The following MB variants were observed in gnomAD, a reference collection of about 807,000 sequenced individuals.
The protein encoded by MB is myoglobin, also known as nitrite reductase MB.
Under a neutral mutation model 14.5 loss-of-function variants are expected in MB, and 10 were observed. The ratio of observed to expected loss-of-function variants is 0.69; its 90% confidence interval spans 0.43 to 1.17. The LOEUF (loss-of-function observed/expected upper bound fraction) is 1.17, where lower values mean the gene tolerates loss of function less well. MB is among the 50% of genes most tolerant of loss of function. MB has a pLI of 0.00. For missense variants in MB, 169 were observed against 192.7 expected, an observed-to-expected ratio of 0.88 and a Z score of 0.73; for synonymous variants, 89 against 78.6, an observed-to-expected ratio of 1.13 and a Z score of -0.70.
chr22:35,616,426 T>A (rs553728167), intron 1 of MB, among the ~76,000 whole-genome samples: 1 of 152,182 alleles, frequency 6.6e-6, no homozygotes, highest in South Asian at 2.1e-4. Context: ...AGAGACATAC[T>A]CAACATCGAA....
rs1379192808 is a variant in MB at position 35,608,792 on chromosome 22, C to T, written c.319-1349G>A. On this transcript the variant is annotated intron_variant, in intron 2 of 2. Coordinates refer to ENST00000397326, the MANE Select transcript of MB (RefSeq NM_005368.3). The surrounding 1 kb of genome is among the most constrained non-coding windows in gnomAD (Gnocchi z 4.3). ...GACTTTCTGGAGTCCATGGCAGAGC[C>T]ACTCATATCTAGAAAACAGTGGAAC... 6.6e-6 allele frequency among the ~76,000 whole-genome samples: 1 copy of T among 152,196 alleles called. No homozygotes were observed. The highest frequency in any genetic ancestry group is 1.5e-5 in the Non-Finnish European group (1 of 68,038).
intron 1 of MB, among the ~76,000 whole-genome samples, chr22:35,616,836 T>C (rs1923111756): frequency 6.6e-6 from 1 of 152,200 alleles, no homozygotes; most frequent in Admixed American, 6.5e-5. Flanking sequence ...CCTCATCCTG[T>C]AAGAGAGGTG....
rs1231963984 is a variant in MB at position 35,608,475 on chromosome 22, A to T, written c.319-1032T>A. Among the ~76,000 whole-genome samples, 3 of 152,168 alleles carry T rather than the reference A, an allele frequency of 2.0e-5. No individual in the cohort carries two copies. The highest frequency in any genetic ancestry group is 1.5e-5 in the Non-Finnish European group (1 of 68,034). On this transcript the variant is annotated intron_variant, in intron 2 of 2. Transcript: ENST00000397326. The surrounding 1 kb of genome is among the most constrained non-coding windows in gnomAD (Gnocchi z 4.3). ...AGGGTGCAAGTGACATAAAGCAGGG[A>T]TAGTCGCGGGTGGGACATGCAAAGG...
chr22:35,621,849 G>A (rs550340263), upstream of MB: 1 of 152,276 alleles, frequency 6.6e-6, no homozygotes, highest in South Asian at 2.1e-4. Flanking sequence ...AGGCAAGTCG[G>A]GGGCCTCAGT....
At chr22:35,616,688 C>A (rs984899563) in intron 1 of MB, among the ~76,000 whole-genome samples, 8 of 152,182 alleles carry the variant, frequency 5.3e-5, no homozygotes, top group African/African-American at 1.7e-4. Flanking sequence ...CCAAAGGTCA[C>A]CCAGTGGCTC....
intron 1 of MB, among the ~76,000 whole-genome samples, chr22:35,614,344 T>C (rs1484342872): frequency 6.6e-6 from 1 of 152,100 alleles, no homozygotes; most frequent in Non-Finnish European, 1.5e-5. Flanking sequence ...TCCCAGCACT[T>C]TGGGAGGCCA....
At chr22:35,621,060 A>G (rs555301657), upstream of MB, among the ~76,000 whole-genome samples, 4 of 152,306 alleles carry the variant, frequency 2.6e-5, no homozygotes, top group Admixed American at 1.3e-4. Flanking sequence ...CACAGTTGCT[A>G]TGGCTACCTG....
At chr22:35,617,558 G>C (rs1297574241), upstream of MB, 3 of 351,404 alleles carry the variant, frequency 8.5e-6, no homozygotes, top group African/African-American at 6.4e-5. Flanking sequence ...GGTTGTGCGT[G>C]TGGAAAGAAG....
At chr22:35,617,817 C>T (rs376610128), upstream of MB, among the ~76,000 whole-genome samples, 47 of 152,286 alleles carry the variant, frequency 3.1e-4, no homozygotes, top group African/African-American at 1.1e-3. Context: ...AGAAAGGAAC[C>T]GGATGGTTTT....
In MB at chr22:35,607,187, A is replaced by G; in HGVS notation, c.*110T>C. On this transcript the variant is annotated 3_prime_UTR_variant, in exon 3 of 3. Transcript: ENST00000397326. ...CCCTCAGCTCCTCCTGCCCACCTCT[A>G]CTAAACAAAGCAGACACTCAGAAGC... 1 of 1,317,274 alleles carries G rather than the reference A, an allele frequency of 7.6e-7. No individual in the cohort carries two copies. Among genetic ancestry groups the G allele is most frequent in the Non-Finnish European group, 1.0e-6 (1 of 971,814 alleles). The allele number at this position is 1,317,274 out of a possible 1,614,324, so 81.6% of individuals were successfully genotyped here.
chr22:35,620,014 A>G (rs898456443), upstream of MB, among the ~76,000 whole-genome samples: 1 of 152,238 alleles, frequency 6.6e-6, no homozygotes, highest in African/African-American at 2.4e-5. Flanking sequence ...TTAGCAGTGG[A>G]AGAAGCAGTA....
chr22:35,613,979 C>T (rs987060484), intron 1 of MB, among the ~76,000 whole-genome samples: 9 of 152,232 alleles, frequency 5.9e-5, no homozygotes, highest in Admixed American at 2.6e-4. Context: ...AGATGAAAGC[C>T]CCTCAGCCTG....
At chr22:35,607,516 C>T (rs1601839975) in intron 2 of MB, 73 bp from the exon 3 acceptor site, 21 of 1,447,072 alleles carry the variant, frequency 1.5e-5, no homozygotes, top group Middle Eastern at 3.5e-4. Context: ...AGTCAGTTGT[C>T]CTCCTACCTT....
At chr22:35,622,234 G>C (rs1463098650), upstream of MB, 1 of 152,558 alleles carries the variant, frequency 6.6e-6, no homozygotes, top group East Asian at 1.9e-4. Context: ...AGTCTGGGCA[G>C]TGCCTCCCTC....
At chr22:35,616,272 C>T (rs1421761206) in intron 1 of MB, among the ~76,000 whole-genome samples, 3 of 152,124 alleles carry the variant, frequency 2.0e-5, no homozygotes, top group Admixed American at 6.5e-5. Context: ...TAGAAGGCAA[C>T]GAGGAGATGA....
At position 35,611,115 on chromosome 22, in the gene MB, A is replaced by T. The variant is rs1468992294; in HGVS notation, c.96-9T>A. 6.2e-7 allele frequency: 1 copy of T among 1,610,536 alleles called. No individual in the cohort carries two copies. Among genetic ancestry groups the T allele is most frequent in the East Asian group, 2.2e-5 (1 of 44,852 alleles). On this transcript the variant is annotated splice_polypyrimidine_tract_variant and intron_variant, in intron 1 of 2. Coordinates refer to ENST00000397326, the MANE Select transcript of MB (RefSeq NM_005368.3). ...GGTGACCCTTAAAGAGCCTGTGGGC[A>T]CAGGGAAGGCTGGAGTCGGCATGGG...
intron 2 of MB, 41 bp downstream of exon 2, chr22:35,610,843 C>A: frequency 6.5e-7 from 1 of 1,541,950 alleles, no homozygotes; most frequent in Non-Finnish European, 8.8e-7. Context: ...CCACCCGAGG[C>A]CTTCCCCGCA....
intron 1 of MB, among the ~76,000 whole-genome samples, chr22:35,611,643 ACT>A (rs1205783296): frequency 6.6e-6 from 1 of 151,742 alleles, no homozygotes; most frequent in Non-Finnish European, 1.5e-5. Context: ...CCAAGCTGTG[ACT>A]CTCTGAACCT....
chr22:35,614,673 G>T (rs1922924699), intron 1 of MB, among the ~76,000 whole-genome samples: 2 of 152,100 alleles, frequency 1.3e-5, no homozygotes, highest in Non-Finnish European at 2.9e-5. Context: ...CTTAAACAGA[G>T]CCCAGCAATC....
Sources: gnomAD v4.1 joint callset for allele counts (sites outside exome capture counted in the v4.1 genomes callset) on GRCh38, gnomAD v4.1.1 for gene constraint, Gnocchi (gnomAD v3.1) non-coding constraint, MANE v1.5 for transcripts, NCBI Gene and HGNC (gene_info 2026-07-23, HGNC 2026-07-21) for gene names.